MYO1B: variants seen among roughly 807,000 people sequenced by gnomAD.
MYO1B encodes myosin IB.
Under a neutral mutation model 159.7 loss-of-function variants are expected in MYO1B, and 72 were observed. That is an observed-to-expected ratio of 0.45 (90% CI 0.37 to 0.55). MYO1B has a LOEUF of 0.55. MYO1B is among the 20% of genes least tolerant of loss of function. The pLI is 0.00. For synonymous variants in MYO1B, 468 were observed against 473.8 expected (o/e 0.99, Z 0.16); for missense variants, 1,062 against 1,364.8 (o/e 0.78, Z 3.50).
chr2:191,400,628 A>G (rs1256966515), intron 22 of MYO1B, 121 bp from the exon 23 acceptor site: 22 of 1,336,108 alleles, frequency 1.6e-5, no homozygotes, highest in South Asian at 5.2e-5. Flanking sequence ...GTGGTGGCAC[A>G]TGCTTTTGCG....
chr2:191,326,815 T>TGTGTGC (rs1193696593), intron 3 of MYO1B, among the ~76,000 whole-genome samples: 51 of 143,970 alleles, frequency 3.5e-4, no homozygotes, highest in East Asian at 3.1e-3. Flanking sequence ...TGTGTGTGTG[T>TGTGTGC]GCGCGCGCCA....
chr2:191,272,775 C>T (rs911521315), intron 1 of MYO1B, among the ~76,000 whole-genome samples: 3 of 152,168 alleles, frequency 2.0e-5, no homozygotes, highest in African/African-American at 4.8e-5. Flanking sequence ...CAAGATACCA[C>T]GGGCCATGGT....
intron 13 of MYO1B, chr2:191,380,974 G>A (rs1320287163): frequency 1.9e-5 from 5 of 261,100 alleles, no homozygotes; most frequent in Admixed American, 5.0e-5. Flanking sequence ...ATACACACAT[G>A]TTCGTATAAC....
At chr2:191,277,151 T>A in intron 2 of MYO1B, 121 bp downstream of exon 2, 1 of 1,221,126 alleles carries the variant, frequency 8.2e-7, no homozygotes, top group Non-Finnish European at 1.1e-6. Context: ...CAGTATTTGC[T>A]TTATACCCTC....
At chr2:191,333,591 T>C (rs1435591077) in intron 4 of MYO1B, among the ~76,000 whole-genome samples, 1 of 152,172 alleles carries the variant, frequency 6.6e-6, no homozygotes, top group East Asian at 1.9e-4. Context: ...TTATCTCTCA[T>C]GAGGATTATT....
chr2:191,282,498 A>G (rs1233915996), intron 2 of MYO1B, among the ~76,000 whole-genome samples: 1 of 152,226 alleles, frequency 6.6e-6, no homozygotes, highest in Admixed American at 6.5e-5. Flanking sequence ...GGTTTTTTAA[A>G]TTACAAAATA....
At chr2:191,386,159 C>T (rs1695386031) in intron 16 of MYO1B, 75 bp downstream of exon 16, 3 of 1,364,618 alleles carry the variant, frequency 2.2e-6, no homozygotes, top group Admixed American at 1.9e-5. Flanking sequence ...CAGAGATGGG[C>T]GTTCGAAACC....
intron 17 of MYO1B, among the ~76,000 whole-genome samples, chr2:191,389,730 G>A (rs1695628077): frequency 6.6e-6 from 1 of 152,220 alleles, no homozygotes; most frequent in Non-Finnish European, 1.5e-5. Flanking sequence ...GGAGGAAACA[G>A]TGTTTTTTAT....
chr2:191,402,636 G>T lies in MYO1B; in HGVS notation c.2474G>T (p.Arg825Leu). 1.9e-6 allele frequency: 3 copies of T among 1,613,478 alleles called. No homozygotes were observed. The highest frequency in any genetic ancestry group is 2.5e-6 in the Non-Finnish European group (3 of 1,179,634). ...TTACTATCTAAAACATTCTAGGCTC[G>T]AAGGGAATTGAAACGCTTGAAGGAG... ...IWAYWLGSKA[R>L]RELKRLKEEA... Residue 825 changes from arginine to leucine, a missense_variant, in exon 24 of 31, where the codon CGA becomes CTA. By Grantham distance (102) the Arg-to-Leu change is moderately radical. This residue lies in a region of MYO1B where 609 missense variants were observed against 744.4 expected (regional missense o/e 0.82). Transcript: ENST00000392318.
chr2:191,260,872 T>C (rs545828413), intron 1 of MYO1B, among the ~76,000 whole-genome samples: 2 of 152,366 alleles, frequency 1.3e-5, no homozygotes, highest in African/African-American at 4.8e-5. Context: ...TAAGCACTTA[T>C]GACTATATAT....
At chr2:191,396,561 T>A in intron 21 of MYO1B, 64 bp downstream of exon 21, 1 of 1,511,948 alleles carries the variant, frequency 6.6e-7, no homozygotes, top group Non-Finnish European at 9.2e-7. Flanking sequence ...AAGGATAATG[T>A]CTTTAGGGTC....
chr2:191,330,226 C>T (rs1352367455), intron 4 of MYO1B, among the ~76,000 whole-genome samples, 197 bp downstream of exon 4: 1 of 152,122 alleles, frequency 6.6e-6, no homozygotes, highest in African/African-American at 2.4e-5. Flanking sequence ...CAAGGGGATT[C>T]CAACCAATAT....
Position 191,392,210 on chromosome 2 carries a change from C to T in MYO1B, c.2076+9C>T, listed in dbSNP as rs749313407. The T allele has an allele frequency of 8.2e-6, 13 of 1,583,296 alleles. No homozygotes were observed. Among genetic ancestry groups the T allele is most frequent in the Middle Eastern group, 3.4e-4 (2 of 5,960 alleles). On this transcript the variant is annotated intron_variant, in intron 19 of 30. Transcript: ENST00000392318. ...TCCGAAACCCAAGAACAGTATGTAA[C>T]GAAAACCTTTACACTCTGAACTTAA...
intron 18 of MYO1B, 115 bp from the exon 19 acceptor site, chr2:191,391,993 A>G (rs1026005337): frequency 1.4e-5 from 9 of 625,640 alleles, no homozygotes; most frequent in Non-Finnish European, 2.4e-5. Flanking sequence ...TGAAAGAGCA[A>G]TTACACTTGG....
intron 9 of MYO1B, among the ~76,000 whole-genome samples, chr2:191,363,196 T>A (rs1466284256): frequency 6.6e-6 from 1 of 152,212 alleles, no homozygotes; most frequent in Non-Finnish European, 1.5e-5. Flanking sequence ...TCCCTGGACA[T>A]GATTTTGTTT....
intron 21 of MYO1B, among the ~76,000 whole-genome samples, chr2:191,397,058 C>A (rs1696125136): frequency 7.0e-6 from 1 of 142,416 alleles, no homozygotes; most frequent in Admixed American, 7.1e-5. Flanking sequence ...TGTTCTCATA[C>A]AACCTGCAAG....
At chr2:191,306,819 G>A (rs1049264190) in intron 3 of MYO1B, among the ~76,000 whole-genome samples, 5 of 152,120 alleles carry the variant, frequency 3.3e-5, no homozygotes, top group African/African-American at 1.2e-4. Flanking sequence ...GCAGTAGTGG[G>A]TACCTAGAAA....
chr2:191,419,527 C>A (rs564668944), intron 30 of MYO1B, among the ~76,000 whole-genome samples: 49 of 152,116 alleles, frequency 3.2e-4, no homozygotes, highest in Non-Finnish European at 5.4e-4. Context: ...CTATACTGTA[C>A]TTTTTATCTT....
At chr2:191,361,271 G>T (rs1269993540) in intron 8 of MYO1B, among the ~76,000 whole-genome samples, 1 of 152,148 alleles carries the variant, frequency 6.6e-6, no homozygotes, top group South Asian at 2.1e-4. Flanking sequence ...TTTGGGGAGA[G>T]AAAATTATCA....
Sources: allele counts gnomAD v4.1 joint callset (sites outside exome capture counted in the v4.1 genomes callset), GRCh38; gene constraint gnomAD v4.1.1; regional missense constraint gnomAD v4.1.1; transcripts MANE v1.5; gene names NCBI Gene and HGNC (gene_info 2026-07-23, HGNC 2026-07-21).